MYO16: variants seen among roughly 807,000 people sequenced by gnomAD.
MYO16 encodes myosin XVI.
A neutral mutation model predicts 205.3 loss-of-function variants in MYO16; 94 were observed. The ratio of observed to expected loss-of-function variants is 0.46; its 90% CI spans 0.39 to 0.54. The LOEUF is 0.54. MYO16 is among the 20% of genes least tolerant of loss of function. MYO16 has a pLI of 0.00. For synonymous variants in MYO16, 988 were observed against 954.0 expected, an observed-to-expected ratio of 1.04 and a Z score of -0.66; for missense variants, 2,315 against 2,387.5, an observed-to-expected ratio of 0.97 and a Z score of 0.63.
chr13:109,070,286 A>G lies in MYO16; in HGVS notation c.3335+14691A>G, dbSNP rs150667055. On this transcript the variant is annotated intron_variant, in intron 27 of 34. Coordinates refer to ENST00000457511, the MANE Select transcript of MYO16 (RefSeq NM_001198950.3). ...CAGGATTCTGTATTCTGTAATTCCCAATAGACTCTAAGCTCCATTAAGGAA... is the reference window on the plus strand; with the variant it reads ...CAGGATTCTGTATTCTGTAATTCCCGATAGACTCTAAGCTCCATTAAGGAA... Among the ~76,000 whole-genome samples the G allele has an allele frequency of 3.9e-5, 6 of 152,308 alleles. No homozygotes were observed. The East Asian group carries it at 1.2e-3, about 29-fold the overall frequency.
the MYO16 span, among the ~76,000 whole-genome samples, chr13:108,534,622 A>G: frequency 0.017 from 2,569 of 151,474 alleles, 83 homozygotes; most frequent in African/African-American, 0.059. Flanking sequence ...CTGCTTCTAC[A>G]TTAAAAAAAA....
chr13:109,090,365 G>A (rs913804528), intron 27 of MYO16, among the ~76,000 whole-genome samples: 1 of 152,174 alleles, frequency 6.6e-6, no homozygotes, highest in Non-Finnish European at 1.5e-5. Flanking sequence ...TTGTAAATAC[G>A]CAGGGCGGGG....
intron 34 of MYO16, among the ~76,000 whole-genome samples, chr13:109,182,393 T>G (rs1191048950): frequency 6.6e-6 from 1 of 152,088 alleles, no homozygotes; most frequent in African/African-American, 2.4e-5. Flanking sequence ...TGGGGTGACA[T>G]TGGGCAGTAG....
At chr13:108,741,998 G>A (rs140755322) in intron 4 of MYO16, among the ~76,000 whole-genome samples, 1 of 152,136 alleles carries the variant, frequency 6.6e-6, no homozygotes, top group Middle Eastern at 3.4e-3. Context: ...TTGTTTCCTT[G>A]TCTGTTTGTT....
At chr13:109,056,222 C>G (rs1303949232) in intron 27 of MYO16, among the ~76,000 whole-genome samples, 2 of 152,096 alleles carry the variant, frequency 1.3e-5, no homozygotes, top group East Asian at 3.9e-4. Context: ...ACACTGTGCA[C>G]AAGACAGTGC....
chr13:109,099,248 C>T (rs7325325), intron 27 of MYO16, among the ~76,000 whole-genome samples: 22,552 of 152,112 alleles, frequency 0.15, 1,726 homozygotes, highest in Middle Eastern at 0.19. Flanking sequence ...ATAAGAAAAT[C>T]GCTCAAATTT....
chr13:108,824,457 T>G (rs768029819), intron 9 of MYO16, among the ~76,000 whole-genome samples: 2 of 152,112 alleles, frequency 1.3e-5, no homozygotes, highest in African/African-American at 2.4e-5. Context: ...ATATTCATAT[T>G]CTTCAGAGGT....
At chr13:108,563,520 T>C in the MYO16 span, among the ~76,000 whole-genome samples, 11 of 152,288 alleles carry the variant, frequency 7.2e-5, no homozygotes, top group South Asian at 2.3e-3. Flanking sequence ...ATAACCATTC[T>C]TCTAATTTCT....
At chr13:108,783,154 C>T (rs1049562899) in intron 4 of MYO16, among the ~76,000 whole-genome samples, 7 of 152,132 alleles carry the variant, frequency 4.6e-5, no homozygotes. Context: ...TGAAAGCAGC[C>T]AGGAGGGAGG....
intron 2 of MYO16, among the ~76,000 whole-genome samples, chr13:108,693,372 T>A (rs1882973104): frequency 6.6e-6 from 1 of 152,144 alleles, no homozygotes; most frequent in Non-Finnish European, 1.5e-5. Flanking sequence ...ATTGTGCCCA[T>A]TAATTAGTCA....
chr13:108,543,744 T>C, the MYO16 span, among the ~76,000 whole-genome samples: 1 of 145,220 alleles, frequency 6.9e-6, no homozygotes, highest in Non-Finnish European at 1.5e-5. Context: ...TTTTTTCTTT[T>C]TTTTTTTTTT....
chr13:109,050,952 A>T (rs925144364), intron 24 of MYO16, among the ~76,000 whole-genome samples: 1 of 151,930 alleles, frequency 6.6e-6, no homozygotes, highest in South Asian at 2.1e-4. Context: ...AGAATCAGAC[A>T]TTTGTTCAGG....
intron 1 of MYO16, among the ~76,000 whole-genome samples, chr13:108,641,316 A>G (rs1880493212): frequency 6.6e-6 from 1 of 152,190 alleles, no homozygotes; most frequent in Non-Finnish European, 1.5e-5. Context: ...AAATAGCTTC[A>G]GGGTCTTCTG....
chr13:109,056,508 A>G (rs1887423363), intron 27 of MYO16, among the ~76,000 whole-genome samples: 1 of 152,196 alleles, frequency 6.6e-6, no homozygotes. Flanking sequence ...GCTACTAAGC[A>G]CTATTCCAGG....
intron 23 of MYO16, among the ~76,000 whole-genome samples, chr13:109,035,070 C>T (rs1248023476): frequency 6.6e-6 from 1 of 152,138 alleles, no homozygotes; most frequent in African/African-American, 2.4e-5. Flanking sequence ...GTCTATTGTT[C>T]CTTCTACTTT....
intron 10 of MYO16, among the ~76,000 whole-genome samples, chr13:108,845,700 G>C (rs1877483152): frequency 6.6e-6 from 1 of 152,114 alleles, no homozygotes; most frequent in Admixed American, 6.6e-5. Context: ...TCAAAGGTTA[G>C]GTAAAATTTA....
intron 25 of MYO16, chr13:109,054,390 G>A: frequency 3.4e-6 from 1 of 297,288 alleles, no homozygotes; most frequent in South Asian, 2.7e-5. Flanking sequence ...GAAAGCATCA[G>A]ACCATTCATT....
intron 21 of MYO16, among the ~76,000 whole-genome samples, chr13:109,007,165 G>A (rs1446296543): frequency 1.3e-5 from 2 of 152,150 alleles, no homozygotes; most frequent in African/African-American, 4.8e-5. Flanking sequence ...AAGGCGGGTG[G>A]ATCACGAGGT....
intron 23 of MYO16, among the ~76,000 whole-genome samples, chr13:109,021,033 A>C (rs531365641): frequency 6.6e-5 from 10 of 152,202 alleles, no homozygotes; most frequent in Non-Finnish European, 1.0e-4. Flanking sequence ...GGCTTAAAAA[A>C]TGTGTAGATG....
Sources: gnomAD v4.1 joint callset for allele counts (sites outside exome capture counted in the v4.1 genomes callset) on GRCh38, gnomAD v4.1.1 for gene constraint, MANE v1.5 for transcripts, NCBI Gene and HGNC (gene_info 2026-07-23, HGNC 2026-07-21) for gene names.